The following PCDH15 variants were observed in gnomAD, a reference collection of about 807,000 sequenced individuals.
The protein encoded by PCDH15 is protocadherin related 15.
In PCDH15, 129 loss-of-function variants were observed where a neutral mutation model predicts 178.5. That is an observed-to-expected ratio of 0.72 (90% CI 0.63 to 0.84). The LOEUF (loss-of-function observed/expected upper bound fraction) is 0.84. Among genes scored for constraint, PCDH15 ranks in the 40% least tolerant of loss-of-function variants. The pLI is 0.00. For synonymous variants in PCDH15, 800 were observed against 732.0 expected (o/e 1.09, Z -1.50); for missense variants, 2,230 against 2,099.9 (o/e 1.06, Z -1.21).
At chr10:55,373,545 TA>T (rs541170466) in intron 2 of PCDH15, among the ~76,000 whole-genome samples, 3 of 150,812 alleles carry the variant, frequency 2.0e-5, no homozygotes, top group South Asian at 4.2e-4. Flanking sequence ...ACAGGTAATC[TA>T]AAAAAAAATG....
chr10:53,839,548 A>G (rs954657713), intron 29 of PCDH15, among the ~76,000 whole-genome samples: 2 of 152,176 alleles, frequency 1.3e-5, no homozygotes, highest in Admixed American at 6.6e-5. Flanking sequence ...ATACAGGCAC[A>G]TATAAACTAT....
intron 25 of PCDH15, among the ~76,000 whole-genome samples, chr10:53,935,423 C>T (rs1199724888): frequency 6.6e-6 from 1 of 151,978 alleles, no homozygotes; most frequent in Non-Finnish European, 1.5e-5. Context: ...GCATTGCTCA[C>T]AACAGGAAAC....
chr10:55,326,438 G>A (rs1010782534), intron 2 of PCDH15, among the ~76,000 whole-genome samples: 1 of 152,070 alleles, frequency 6.6e-6, no homozygotes, highest in East Asian at 1.9e-4. Context: ...TAAGGATCAT[G>A]GATGGAGCTG....
intron 1 of PCDH15, among the ~76,000 whole-genome samples, chr10:55,225,749 A>T (rs56024382): frequency 0.02 from 2,986 of 151,988 alleles, 53 homozygotes; most frequent in Non-Finnish European, 0.027. Context: ...AAGTAGTTAG[A>T]TCCCCAAATT....
chr10:54,097,500 G>A (rs1018028270), intron 15 of PCDH15, among the ~76,000 whole-genome samples: 1 of 152,092 alleles, frequency 6.6e-6, no homozygotes, highest in Admixed American at 6.5e-5. Context: ...ATTTTCCCAT[G>A]CACTTCCTCT....
At chr10:54,615,050 A>G (rs2093086960) in intron 2 of PCDH15, among the ~76,000 whole-genome samples, 1 of 152,008 alleles carries the variant, frequency 6.6e-6, no homozygotes, top group Non-Finnish European at 1.5e-5. Flanking sequence ...TTACCCATTC[A>G]CACAATGTTG....
intron 3 of PCDH15, among the ~76,000 whole-genome samples, chr10:54,508,615 A>G (rs1350338897): frequency 6.6e-6 from 1 of 152,168 alleles, no homozygotes; most frequent in African/African-American, 2.4e-5. Flanking sequence ...TTCATTGAAT[A>G]TGGCACTGAA....
chr10:54,796,282 G>GTATCTATA (rs752443728), intron 1 of PCDH15, among the ~76,000 whole-genome samples: 1 of 126,342 alleles, frequency 7.9e-6, no homozygotes, highest in Non-Finnish European at 1.7e-5. Flanking sequence ...ATGTATCTAT[G>GTATCTATA]TATCTATCTA....
At chr10:55,417,767 A>G (rs533333851) in intron 2 of PCDH15, among the ~76,000 whole-genome samples, 1 of 151,632 alleles carries the variant, frequency 6.6e-6, no homozygotes, top group South Asian at 2.1e-4. Context: ...ATGAAGGGAA[A>G]AAAAAAACAA....
intron 1 of PCDH15, among the ~76,000 whole-genome samples, chr10:55,181,144 G>T (rs988719416): frequency 6.6e-6 from 1 of 151,938 alleles, no homozygotes; most frequent in Non-Finnish European, 1.5e-5. Context: ...CATTTCAGGT[G>T]GCAAGAATAA....
At chr10:54,911,083 C>T (rs753688201) in intron 2 of PCDH15, among the ~76,000 whole-genome samples, 1 of 152,180 alleles carries the variant, frequency 6.6e-6, no homozygotes, top group Non-Finnish European at 1.5e-5. Flanking sequence ...AGTGAAATAT[C>T]CGCCCTAGTA....
At chr10:54,224,327 C>T (rs144228904) in intron 9 of PCDH15, among the ~76,000 whole-genome samples, 57 of 152,198 alleles carry the variant, frequency 3.7e-4, no homozygotes, top group South Asian at 8.3e-4. Flanking sequence ...ACCATGAATG[C>T]TGGATACCCT....
At chr10:55,494,388 A>G (rs1304307825) in intron 2 of PCDH15, among the ~76,000 whole-genome samples, 2 of 151,800 alleles carry the variant, frequency 1.3e-5, no homozygotes, top group African/African-American at 4.8e-5. Context: ...GTAAACCACA[A>G]GTAATTGAAT....
intron 3 of PCDH15, among the ~76,000 whole-genome samples, chr10:54,506,103 C>T (rs1417249723): frequency 6.6e-6 from 1 of 152,058 alleles, no homozygotes; most frequent in Non-Finnish European, 1.5e-5. Flanking sequence ...GTATCAAATG[C>T]ACAGTTCATG....
intron 2 of PCDH15, among the ~76,000 whole-genome samples, chr10:55,464,724 G>GTA (rs1396857701): frequency 1.9e-3 from 284 of 147,152 alleles, no homozygotes; most frequent in Non-Finnish European, 3.6e-3. Context: ...TTATGTGTGT[G>GTA]TATATATATA....
intron 3 of PCDH15, among the ~76,000 whole-genome samples, chr10:54,390,623 A>C (rs1282198775): frequency 6.6e-6 from 1 of 152,134 alleles, no homozygotes; most frequent in Non-Finnish European, 1.5e-5. Flanking sequence ...AGTATAGGCT[A>C]TCTTGTTTTA....
intron 2 of PCDH15, among the ~76,000 whole-genome samples, chr10:55,460,977 A>G (rs1435859719): frequency 6.6e-6 from 1 of 152,104 alleles, no homozygotes; most frequent in African/African-American, 2.4e-5. Flanking sequence ...TGTTCTGTGT[A>G]TTCTACCCCA....
chr10:55,124,989 C>T (rs1184035219), intron 2 of PCDH15, among the ~76,000 whole-genome samples: 2 of 151,862 alleles, frequency 1.3e-5, no homozygotes, highest in South Asian at 2.1e-4. Context: ...ATTTAAAATG[C>T]TCTCTATAAA....
intron 28 of PCDH15, among the ~76,000 whole-genome samples, chr10:53,848,063 C>T (rs1278797120): frequency 1.3e-5 from 2 of 151,606 alleles, no homozygotes; most frequent in Middle Eastern, 3.2e-3. Context: ...GTACAGACTG[C>T]GGTAAATTGT....
Sources: gnomAD v4.1 joint callset for allele counts (sites outside exome capture counted in the v4.1 genomes callset) on GRCh38, gnomAD v4.1.1 for gene constraint, MANE v1.5 for transcripts, NCBI Gene and HGNC (gene_info 2026-07-23, HGNC 2026-07-21) for gene names.